The following MKLN1 variants were observed in gnomAD, a reference collection of about 807,000 sequenced individuals.
The protein encoded by MKLN1 is muskelin 1, also known as muskelin.
MKLN1 carries 18 observed loss-of-function variants against 99.0 expected under a neutral mutation model. The ratio of observed to expected loss-of-function variants is 0.18; its 90% CI spans 0.13 to 0.27. The LOEUF (loss-of-function observed/expected upper bound fraction) is 0.27. Among genes scored for constraint, MKLN1 ranks in the 10% least tolerant of loss-of-function variants. The pLI is 1.00. For synonymous variants in MKLN1, 288 were observed against 293.2 expected (o/e 0.98, Z 0.18); for missense variants, 621 against 875.9 (o/e 0.71, Z 3.67).
chr7:131,318,933 T>C (rs1798719604), intron 3 of MKLN1, among the ~76,000 whole-genome samples: 1 of 152,114 alleles, frequency 6.6e-6, no homozygotes, highest in Non-Finnish European at 1.5e-5. Context: ...TAACAGGCTC[T>C]GAAATTGAGG....
chr7:131,194,274 G>T (rs566497592), intron 2 of MKLN1, among the ~76,000 whole-genome samples: 1 of 151,986 alleles, frequency 6.6e-6, no homozygotes. Flanking sequence ...TGTCCATTAC[G>T]CAATTGCTTC....
chr7:131,119,470 G>A (rs563096519), intron 1 of MKLN1, among the ~76,000 whole-genome samples: 2 of 152,352 alleles, frequency 1.3e-5, no homozygotes, highest in East Asian at 3.9e-4. Context: ...CTGGAGGACA[G>A]TGGCCCTTTT....
intron 5 of MKLN1, 113 bp from the exon 6 acceptor site, chr7:131,399,128 C>G (rs186691003): frequency 1.1e-6 from 1 of 890,400 alleles, no homozygotes; most frequent in Non-Finnish European, 1.8e-6. Context: ...CTGCTTGGCA[C>G]ATAGTGTTAA....
At chr7:131,282,490 T>C (rs1371531781) in intron 3 of MKLN1, among the ~76,000 whole-genome samples, 2 of 151,998 alleles carry the variant, frequency 1.3e-5, no homozygotes, top group African/African-American at 4.8e-5. Flanking sequence ...AAGTACATAA[T>C]TGCCAAATGA....
chr7:131,285,103 T>G (rs1401652905), intron 3 of MKLN1: 6 of 152,270 alleles, frequency 3.9e-5, no homozygotes, highest in African/African-American at 1.2e-4. Flanking sequence ...TGCTCCTTGG[T>G]GGGTTTGGCC....
chr7:131,169,029 G>C (rs529611304), intron 2 of MKLN1, among the ~76,000 whole-genome samples: 3 of 152,134 alleles, frequency 2.0e-5, no homozygotes, highest in Non-Finnish European at 4.4e-5. Context: ...CACCACGCCT[G>C]GCTAATATTT....
intron 12 of MKLN1, among the ~76,000 whole-genome samples, chr7:131,457,436 T>C (rs377452081): frequency 6.6e-6 from 1 of 152,096 alleles, no homozygotes; most frequent in East Asian, 1.9e-4. Flanking sequence ...AAATGAAGAC[T>C]ACAACAAATG....
At chr7:131,254,687 A>G (rs1392697180) in intron 3 of MKLN1, among the ~76,000 whole-genome samples, 1 of 152,136 alleles carries the variant, frequency 6.6e-6, no homozygotes, top group South Asian at 2.1e-4. Flanking sequence ...CCAATAGTAG[A>G]TTTGAATTGG....
intron 1 of MKLN1, among the ~76,000 whole-genome samples, chr7:131,368,642 A>C (rs372511169): frequency 6.6e-6 from 1 of 152,040 alleles, no homozygotes; most frequent in Admixed American, 6.5e-5. Flanking sequence ...GCATGGGGGA[A>C]ATTCGCCCCC....
At chr7:131,149,675 A>T (rs145495771) in intron 2 of MKLN1, among the ~76,000 whole-genome samples, 1 of 152,242 alleles carries the variant, frequency 6.6e-6, no homozygotes, top group Admixed American at 6.5e-5. Flanking sequence ...TCATAAAGCT[A>T]TGAGTACATG....
chr7:131,478,536 G>T, intron 16 of MKLN1, 87 bp from the exon 17 acceptor site: 1 of 1,335,588 alleles, frequency 7.5e-7, no homozygotes, highest in Non-Finnish European at 9.8e-7. Context: ...GCTGATAAAT[G>T]GTCAAAGTTA....
intron 11 of MKLN1, 68 bp from the exon 12 acceptor site, chr7:131,445,706 A>T: frequency 7.4e-7 from 1 of 1,353,502 alleles, no homozygotes; most frequent in South Asian, 1.4e-5. Flanking sequence ...AAGTTTTTAA[A>T]GGATCATTCT....
intron 1 of MKLN1, among the ~76,000 whole-genome samples, chr7:131,332,848 C>T (rs909366890): frequency 4.6e-5 from 7 of 151,988 alleles, no homozygotes; most frequent in African/African-American, 9.7e-5. Context: ...ACTGCAGCCT[C>T]GACCTCCTGG....
At chr7:131,394,812 C>G (rs1286119749) in intron 4 of MKLN1, among the ~76,000 whole-genome samples, 9 of 152,000 alleles carry the variant, frequency 5.9e-5, no homozygotes, top group Admixed American at 5.9e-4. Context: ...ATTATTGATT[C>G]TGAAACTGCA....
chr7:131,453,220 AAAC>A (rs1200338049), intron 12 of MKLN1, among the ~76,000 whole-genome samples: 1 of 152,242 alleles, frequency 6.6e-6, no homozygotes, highest in African/African-American at 2.4e-5. Flanking sequence ...TCACATGTAA[AAAC>A]AAACATGCAA....
intron 1 of MKLN1, among the ~76,000 whole-genome samples, chr7:131,120,980 G>C (rs1333332472): frequency 6.6e-6 from 1 of 152,180 alleles, no homozygotes; most frequent in Non-Finnish European, 1.5e-5. Context: ...CTGTTATAAA[G>C]ACATATGTGG....
intron 1 of MKLN1, among the ~76,000 whole-genome samples, chr7:131,329,992 GAAGAGT>G (rs1799023810): frequency 6.6e-6 from 1 of 152,196 alleles, no homozygotes; most frequent in African/African-American, 2.4e-5. Context: ...TAAAGTATTA[GAAGAGT>G]AATCTAAGCT....
At chr7:131,168,432 C>T (rs1026436035) in intron 2 of MKLN1, among the ~76,000 whole-genome samples, 1 of 152,160 alleles carries the variant, frequency 6.6e-6, no homozygotes, top group Non-Finnish European at 1.5e-5. Flanking sequence ...TGCCCCCATG[C>T]ACCTTGACAA....
intron 1 of MKLN1, among the ~76,000 whole-genome samples, chr7:131,126,044 AAATAAATTAATTAATT>A (rs1009013716): frequency 1.2e-3 from 3 of 2,406 alleles, no homozygotes; most frequent in Non-Finnish European, 4.2e-3. Context: ...ATAAATAAAT[AAATAAATTAATTAATT>A]AATAAATAAA....
Sources: allele counts gnomAD v4.1 joint callset (sites outside exome capture counted in the v4.1 genomes callset), GRCh38; gene constraint gnomAD v4.1.1; transcripts MANE v1.5; gene names NCBI Gene and HGNC (gene_info 2026-07-23, HGNC 2026-07-21).